Variants in RIMS2 observed in about 807,000 individuals in gnomAD.
RIMS2 encodes the protein regulating synaptic membrane exocytosis 2, also known as regulating synaptic membrane exocytosis protein 2.
In RIMS2, 59 loss-of-function variants were observed where a neutral mutation model predicts 174.4. The ratio of observed to expected loss-of-function variants is 0.34; its 90% confidence interval spans 0.27 to 0.42. The LOEUF (loss-of-function observed/expected upper bound fraction) is 0.42. Among genes scored for constraint, RIMS2 ranks in the 10% least tolerant of loss-of-function variants. The pLI is 1.00. For missense variants in RIMS2, 1,620 were observed against 1,666.3 expected, an observed-to-expected ratio of 0.97 and a Z score of 0.48; for synonymous variants, 606 against 572.5, an observed-to-expected ratio of 1.06 and a Z score of -0.84.
intron 1 of RIMS2, among the ~76,000 whole-genome samples, chr8:103,554,700 A>G (rs1020793294): frequency 3.3e-5 from 5 of 152,190 alleles, no homozygotes; most frequent in East Asian, 1.9e-4. Flanking sequence ...ACCCAAAGGA[A>G]TATAAATCAC....
chr8:103,950,363 A>G (rs999754249), intron 14 of RIMS2, among the ~76,000 whole-genome samples: 4 of 152,206 alleles, frequency 2.6e-5, no homozygotes, highest in African/African-American at 9.6e-5. Flanking sequence ...CAAATTTAGC[A>G]TATTAAATTT....
chr8:104,044,850 A>G (rs974653726), intron 19 of RIMS2, among the ~76,000 whole-genome samples: 11 of 151,750 alleles, frequency 7.2e-5, no homozygotes, highest in African/African-American at 2.7e-4. Flanking sequence ...CTAGAGATAA[A>G]TAAAGACTAA....
intron 1 of RIMS2, among the ~76,000 whole-genome samples, chr8:103,509,191 T>G (rs1178925857): frequency 1.3e-5 from 2 of 152,048 alleles, no homozygotes; most frequent in African/African-American, 4.8e-5. Context: ...GAAAGTAAGA[T>G]TAGGGCTCTT....
intron 1 of RIMS2, among the ~76,000 whole-genome samples, chr8:103,564,393 A>C (rs1258948774): frequency 6.6e-6 from 1 of 152,172 alleles, no homozygotes; most frequent in African/African-American, 2.4e-5. Flanking sequence ...TGTATATATA[A>C]AGGGGAGTTT....
intron 3 of RIMS2, among the ~76,000 whole-genome samples, chr8:103,775,157 G>C (rs1318401400): frequency 6.6e-6 from 1 of 151,930 alleles, no homozygotes; most frequent in African/African-American, 2.4e-5. Flanking sequence ...CATTACATAT[G>C]GTTTAAGGAC....
intron 6 of RIMS2, among the ~76,000 whole-genome samples, chr8:103,912,970 GTTTTT>G (rs1272975359): frequency 2.6e-5 from 3 of 114,904 alleles, no homozygotes; most frequent in East Asian, 2.6e-4. Flanking sequence ...TTTTTTTGTT[GTTTTT>G]TTTTTTTTTT....
chr8:103,603,477 T>C (rs2133848374), intron 1 of RIMS2, among the ~76,000 whole-genome samples: 1 of 151,642 alleles, frequency 6.6e-6, no homozygotes, highest in East Asian at 2.0e-4. Context: ...TGTGTCTTTA[T>C]AGCAGCATGA....
chr8:104,223,471 G>T, intron 19 of RIMS2: 1 of 1,374,916 alleles, frequency 7.3e-7, no homozygotes. Context: ...GGAGGTCCCG[G>T]CGGCCAGGAA....
At chr8:103,889,242 T>C (rs1389869332) in intron 4 of RIMS2, among the ~76,000 whole-genome samples, 2 of 151,778 alleles carry the variant, frequency 1.3e-5, no homozygotes, top group African/African-American at 4.8e-5. Context: ...ATTTTAAACA[T>C]GTTTTTCTGT....
intron 19 of RIMS2, among the ~76,000 whole-genome samples, chr8:104,134,793 G>A (rs1254517953): frequency 3.9e-5 from 6 of 152,090 alleles, no homozygotes; most frequent in Non-Finnish European, 8.8e-5. Flanking sequence ...TTTCTTTGGG[G>A]CATTGTCCCC....
At chr8:104,211,490 T>C (rs1442445476) in intron 19 of RIMS2, among the ~76,000 whole-genome samples, 1 of 152,012 alleles carries the variant, frequency 6.6e-6, no homozygotes, top group South Asian at 2.1e-4. Flanking sequence ...TTATGCTACG[T>C]GTTTGTATTT....
At chr8:103,652,174 T>C in intron 1 of RIMS2, 31 bp from the exon 2 acceptor site, 1 of 1,285,666 alleles carries the variant, frequency 7.8e-7, no homozygotes, top group South Asian at 1.2e-5. Flanking sequence ...CATAGTACAG[T>C]GCACTCAGTT....
chr8:103,814,592 A>C (rs2098707522), intron 3 of RIMS2, among the ~76,000 whole-genome samples: 1 of 152,076 alleles, frequency 6.6e-6, no homozygotes, highest in South Asian at 2.1e-4. Context: ...TAAGAAGGAG[A>C]AGTCAGGCAC....
intron 19 of RIMS2, among the ~76,000 whole-genome samples, chr8:104,021,789 TAAG>T (rs1328576602): frequency 3.9e-5 from 6 of 152,136 alleles, no homozygotes; most frequent in Non-Finnish European, 8.8e-5. Flanking sequence ...ACCAGTTCAT[TAAG>T]ACAGTGGTAC....
At chr8:104,252,989 G>A (rs1161974384), downstream of RIMS2, 2 of 152,060 alleles carry the variant, frequency 1.3e-5, no homozygotes, top group Non-Finnish European at 2.9e-5. Flanking sequence ...ATTTCTCAAG[G>A]GAAAATTAAC....
At chr8:104,181,566 A>G (rs2098939929) in intron 19 of RIMS2, among the ~76,000 whole-genome samples, 2 of 151,742 alleles carry the variant, frequency 1.3e-5, no homozygotes, top group South Asian at 2.1e-4. Context: ...AAATTTTGGG[A>G]AAAATTATGT....
chr8:104,121,577 T>G (rs2098375018), intron 19 of RIMS2, among the ~76,000 whole-genome samples: 1 of 152,184 alleles, frequency 6.6e-6, no homozygotes, highest in Non-Finnish European at 1.5e-5. Context: ...TTACAAAGTA[T>G]GTGTAAATAG....
At chr8:103,656,120 T>C (rs1030244729) in intron 1 of RIMS2, among the ~76,000 whole-genome samples, 4 of 151,962 alleles carry the variant, frequency 2.6e-5, no homozygotes, top group Non-Finnish European at 1.5e-5. Context: ...ATGATATGAT[T>C]TGTCAGAGGA....
chr8:104,198,126 A>G (rs2099035142), intron 19 of RIMS2, among the ~76,000 whole-genome samples: 2 of 152,180 alleles, frequency 1.3e-5, no homozygotes, highest in South Asian at 4.1e-4. Context: ...TTTTATCCCA[A>G]AGATGGTACA....
Sources: allele counts gnomAD v4.1 joint callset (sites outside exome capture counted in the v4.1 genomes callset), GRCh38; gene constraint gnomAD v4.1.1; transcripts MANE v1.5; gene names NCBI Gene and HGNC (gene_info 2026-07-23, HGNC 2026-07-21).